Variants in SYT6 observed in about 807,000 individuals in gnomAD.
SYT6 encodes synaptotagmin-6.
SYT6 carries 24 observed loss-of-function variants against 38.4 expected under a neutral mutation model. That is an observed-to-expected ratio of 0.62 (90% CI 0.45 to 0.88). The LOEUF (loss-of-function observed/expected upper bound fraction) is 0.88, where lower values mean the gene tolerates loss of function less well. SYT6 is among the 40% of genes least tolerant of loss of function. SYT6 has a pLI of 0.00. For missense variants in SYT6, 611 were observed against 621.0 expected (o/e 0.98, Z 0.17); for synonymous variants, 265 against 241.9 (o/e 1.10, Z -0.89).
intron 1 of SYT6, 48 bp downstream of exon 1, chr1:114,153,562 C>A (rs984300364): frequency 6.9e-6 from 4 of 578,414 alleles, no homozygotes; most frequent in African/African-American, 6.1e-5. Context: ...GAAGGGAGAT[C>A]GCAGGACGGA....
rs548237764 is a variant in SYT6 at position 114,140,151 on chromosome 1, G to A, written c.164-188C>T. 3.9e-4 allele frequency among the ~76,000 whole-genome samples: 59 copies of A among 152,222 alleles called. 1 individual carries two copies. In the South Asian group the frequency reaches 0.011, roughly 28 times the overall value. On this transcript the variant is annotated intron_variant, in intron 1 of 7. Transcript: ENST00000610222. The stretch of plus-strand genomic sequence containing the variant: ...GTTGACTCTTGATTGTCCACTTGGT[G>A]GAGTATGTACAGCCTTGTGTTCACC...
intron 6 of SYT6, among the ~76,000 whole-genome samples, chr1:114,097,092 G>A (rs1311313573): frequency 6.6e-6 from 1 of 152,220 alleles, no homozygotes; most frequent in Non-Finnish European, 1.5e-5. Context: ...CAGCAAGTCA[G>A]GAGGGGCCAA....
At chr1:114,139,409 T>C (rs1277667222) in intron 2 of SYT6, among the ~76,000 whole-genome samples, 5 of 152,180 alleles carry the variant, frequency 3.3e-5, no homozygotes, top group African/African-American at 1.2e-4. Context: ...GCAACCCGCC[T>C]CAAAGGTTTC....
At chr1:114,103,776 T>C (rs1396013482) in intron 3 of SYT6, 55 bp from the exon 4 acceptor site, 6 of 1,585,540 alleles carry the variant, frequency 3.8e-6, no homozygotes, top group East Asian at 4.5e-5. Flanking sequence ...ATGGGCCTCA[T>C]GTCCAGTGCA....
intron 3 of SYT6, among the ~76,000 whole-genome samples, chr1:114,105,711 G>A (rs78102154): frequency 6.1e-4 from 93 of 152,244 alleles, no homozygotes; most frequent in African/African-American, 2.1e-3. Context: ...TTTCACGGAC[G>A]AATAACTTGC....
chr1:114,111,309 A>G (rs774685226), intron 3 of SYT6, among the ~76,000 whole-genome samples: 1 of 152,192 alleles, frequency 6.6e-6, no homozygotes, highest in Non-Finnish European at 1.5e-5. Flanking sequence ...GGAGATGGCT[A>G]CTACTATTAT....
chr1:114,092,411 C>T (rs1675377240), intron 7 of SYT6, among the ~76,000 whole-genome samples: 1 of 151,306 alleles, frequency 6.6e-6, no homozygotes, highest in South Asian at 2.1e-4. Flanking sequence ...GTGCTTCAGC[C>T]ATTTTTCACA....
chr1:114,129,563 CTT>C (rs11349364), intron 3 of SYT6, among the ~76,000 whole-genome samples: 1 of 124,468 alleles, frequency 8.0e-6, no homozygotes, highest in Admixed American at 8.3e-5. Flanking sequence ...TTTTTTCTTT[CTT>C]TTCTTTCTTT....
In SYT6 at chr1:114,110,614, T is replaced by C. The variant is rs1409847660; in HGVS notation, c.1072-6893A>G. Among the ~76,000 whole-genome samples the C allele has an allele frequency of 3.3e-5, 5 of 152,182 alleles. No individual in the cohort carries two copies. In the East Asian group the frequency reaches 9.6e-4, roughly 29 times the overall value. The stretch of plus-strand genomic sequence containing the variant: ...TGCTTCCTATGAAAAGCAGAGCCCT[T>C]TGAGGACTTGCAGCAGTTTGGGACT... On this transcript the variant is annotated intron_variant, in intron 3 of 7. Coordinates refer to ENST00000610222, the MANE Select transcript of SYT6 (RefSeq NM_001253772.2).
At chr1:114,094,478 G>A (rs181839223) in intron 6 of SYT6, among the ~76,000 whole-genome samples, 111 of 152,308 alleles carry the variant, frequency 7.3e-4, no homozygotes, top group Admixed American at 3.0e-3. Context: ...ATGACACATG[G>A]CTCTGGGCTG....
In SYT6 at chr1:114,093,777, T is replaced by C. The variant is rs765436280; in HGVS notation, c.*9A>G. On this transcript the variant is annotated 3_prime_UTR_variant, in exon 7 of 8. Coordinates refer to ENST00000610222, the MANE Select transcript of SYT6 (RefSeq NM_001253772.2). ...AGTCTCTCTGCTTGCAGCATCCACGTGAATGAAATCACAACCGAGGGTTTC... is the reference window on the plus strand; with the variant it reads ...AGTCTCTCTGCTTGCAGCATCCACGCGAATGAAATCACAACCGAGGGTTTC... 6.2e-7 allele frequency: 1 copy of C among 1,614,080 alleles called. No individual in the cohort carries two copies. The highest frequency in any genetic ancestry group is 1.7e-5 in the Admixed American group (1 of 60,020).
In SYT6 at chr1:114,103,635, C is replaced by G; in HGVS notation, c.1158G>C (p.Arg386=). ...CTGTGATGTCCATCGCCTTGAGGTT[C>G]CGACACTTAATCACTGTGAGGGTGA... is the stretch of plus-strand genomic sequence containing the variant. ...GRLTLTVIKC[R]NLKAMDITGY... Residue 386 remains arginine (R), a synonymous_variant, in exon 4 of 8, where the codon CGG becomes CGC. Coordinates refer to ENST00000610222, the MANE Select transcript of SYT6 (RefSeq NM_001253772.2). The G allele has an allele frequency of 6.2e-7, 1 of 1,614,140 alleles. No individual in the cohort carries two copies. Among genetic ancestry groups the G allele is most frequent in the South Asian group, 1.1e-5 (1 of 91,076 alleles).
intron 3 of SYT6, among the ~76,000 whole-genome samples, chr1:114,131,718 C>T (rs984393726): frequency 1.1e-4 from 17 of 152,080 alleles, no homozygotes; most frequent in African/African-American, 3.6e-4. Context: ...ATGCACTGAC[C>T]GGCACATAGT....
chr1:114,116,126 C>A (rs962968488), intron 3 of SYT6, among the ~76,000 whole-genome samples: 1 of 152,228 alleles, frequency 6.6e-6, no homozygotes, highest in African/African-American at 2.4e-5. Context: ...TGTCACCCTG[C>A]GTTACAGACT....
rs1675261333 is a variant in SYT6 at position 114,090,842 on chromosome 1, T to C, written c.*1292A>G. On this transcript the variant is annotated 3_prime_UTR_variant, in exon 8 of 8. Coordinates refer to ENST00000610222, the MANE Select transcript of SYT6 (RefSeq NM_001253772.2). ...ACAACACAGAATAGTTCAAACAATT[T>C]TTTTTTTCCTAAACTGAGTTTGGCC... 6.5e-6 allele frequency: 1 copy of C among 152,702 alleles called. No homozygotes were observed. Among genetic ancestry groups the C allele is most frequent in the African/African-American group, 2.4e-5 (1 of 41,442 alleles). 9.5% of individuals were successfully genotyped at this position (152,702 alleles called of 1,614,324 possible). A position where few individuals can be genotyped will look rare whatever the true frequency, so the allele number is the denominator to read the frequency against.
chr1:114,117,540 G>T (rs1396955289), intron 3 of SYT6, among the ~76,000 whole-genome samples: 2 of 152,180 alleles, frequency 1.3e-5, no homozygotes, highest in Non-Finnish European at 2.9e-5. Flanking sequence ...TTCTAGCCTG[G>T]ATTTCAGAGG....
intron 3 of SYT6, among the ~76,000 whole-genome samples, chr1:114,122,168 C>A (rs950858001): frequency 6.6e-6 from 1 of 152,190 alleles, no homozygotes; most frequent in Non-Finnish European, 1.5e-5. Flanking sequence ...ATTATCAGGG[C>A]CTCAGCTTCC....
intron 3 of SYT6, among the ~76,000 whole-genome samples, chr1:114,126,440 C>T (rs578031451): frequency 6.6e-6 from 1 of 152,310 alleles, no homozygotes; most frequent in East Asian, 1.9e-4. Flanking sequence ...TTCCCTTCCT[C>T]CTGGATGAAT....
intron 3 of SYT6, among the ~76,000 whole-genome samples, chr1:114,117,429 AG>A (rs1405932542): frequency 6.6e-6 from 1 of 152,216 alleles, no homozygotes. Context: ...TGGTGGGCTG[AG>A]GGGCCAGGTG....
Sources: allele counts gnomAD v4.1 joint callset (sites outside exome capture counted in the v4.1 genomes callset), GRCh38; gene constraint gnomAD v4.1.1; transcripts MANE v1.5; gene names NCBI Gene and HGNC (gene_info 2026-07-23, HGNC 2026-07-21).